Variants in UHRF2 observed in about 807,000 individuals in gnomAD.
The protein encoded by UHRF2 is E3 ubiquitin-protein ligase UHRF2.
UHRF2 carries 23 observed loss-of-function variants against 96.8 expected under a neutral mutation model. The observed-to-expected ratio is 0.24, with a 90% CI of 0.17 to 0.34. The LOEUF (loss-of-function observed/expected upper bound fraction) is 0.34, where lower values mean the gene tolerates loss of function less well. Among genes scored for constraint, UHRF2 ranks in the 10% least tolerant of loss-of-function variants. The pLI is 1.00. For missense variants in UHRF2, 685 were observed against 981.5 expected (o/e 0.70, Z 4.04); for synonymous variants, 385 against 332.6 (o/e 1.16, Z -1.72).
chr9:6,455,663 C>T (rs1436269012), intron 3 of UHRF2, among the ~76,000 whole-genome samples: 2 of 152,098 alleles, frequency 1.3e-5, no homozygotes, highest in East Asian at 1.9e-4. Context: ...TTTCTTTGGT[C>T]TGATGATATC....
intron 9 of UHRF2, 42 bp from the exon 10 acceptor site, chr9:6,493,783 AC>A: frequency 6.7e-7 from 1 of 1,500,226 alleles, no homozygotes; most frequent in East Asian, 2.3e-5. Flanking sequence ...ATGAAATTAT[AC>A]TTGGGTTTAG....
chr9:6,448,885 T>G (rs939715416), intron 3 of UHRF2, among the ~76,000 whole-genome samples: 1 of 152,232 alleles, frequency 6.6e-6, no homozygotes, highest in Non-Finnish European at 1.5e-5. Flanking sequence ...CCTTTTGTGT[T>G]TAGCCAGTGT....
chr9:6,459,396 C>T (rs763910879), intron 3 of UHRF2, among the ~76,000 whole-genome samples: 5 of 152,156 alleles, frequency 3.3e-5, no homozygotes, highest in Admixed American at 2.0e-4. Context: ...GGGCCGGGTG[C>T]GGTGGCTCAT....
At chr9:6,417,603 C>T (rs1819681123) in intron 1 of UHRF2, among the ~76,000 whole-genome samples, 1 of 152,016 alleles carries the variant, frequency 6.6e-6, no homozygotes, top group Non-Finnish European at 1.5e-5. Context: ...CTTGTTATTG[C>T]GGTAGATAAA....
At chr9:6,475,543 A>T (rs115553181) in intron 5 of UHRF2, 43 bp downstream of exon 5, 12 of 1,182,820 alleles carry the variant, frequency 1.0e-5, no homozygotes, top group Non-Finnish European at 1.4e-5. Context: ...TGTGTTGTAC[A>T]TGATTGAACT....
chr9:6,479,593 T>C (rs916665449), intron 6 of UHRF2, among the ~76,000 whole-genome samples: 4 of 152,210 alleles, frequency 2.6e-5, no homozygotes, highest in Non-Finnish European at 4.4e-5. Flanking sequence ...ATTTATGTCT[T>C]CATATCTAAT....
At chr9:6,468,191 A>C (rs549881948) in intron 4 of UHRF2, among the ~76,000 whole-genome samples, 3 of 152,330 alleles carry the variant, frequency 2.0e-5, no homozygotes, top group Admixed American at 2.0e-4. Flanking sequence ...GATTATATGC[A>C]TGTTTTTATT....
chr9:6,486,808 A>G lies in UHRF2; in HGVS notation c.1393-13A>G. ...TCAGAGGTATTTTGAGACTCTCTTT[A>G]ATTGTTTTATAGGTGAGCGAAGCAG... On this transcript the variant is annotated splice_polypyrimidine_tract_variant and intron_variant, in intron 8 of 15. Transcript: ENST00000276893. 1.2e-6 allele frequency: 2 copies of G among 1,613,038 alleles called. No individual in the cohort carries two copies. Among genetic ancestry groups the G allele is most frequent in the South Asian group, 1.1e-5 (1 of 90,982 alleles).
intron 4 of UHRF2, among the ~76,000 whole-genome samples, chr9:6,461,400 C>A (rs1294369578): frequency 7.5e-6 from 1 of 133,862 alleles, no homozygotes; most frequent in African/African-American, 2.7e-5. Flanking sequence ...CCCCCCCGCC[C>A]CTTGTTCTGT....
intron 1 of UHRF2, among the ~76,000 whole-genome samples, chr9:6,416,006 A>T (rs1177386605): frequency 1.3e-5 from 2 of 152,216 alleles, no homozygotes; most frequent in East Asian, 3.8e-4. Context: ...CAAGATCTCC[A>T]GGTGATCTGT....
chr9:6,446,206 A>G (rs1382252648), intron 3 of UHRF2, among the ~76,000 whole-genome samples: 2 of 151,280 alleles, frequency 1.3e-5, no homozygotes, highest in African/African-American at 4.9e-5. Context: ...GCTGAAGTGC[A>G]GTGGCTCAAT....
chr9:6,434,463 G>A (rs1820719461), intron 3 of UHRF2: 2 of 243,292 alleles, frequency 8.2e-6, no homozygotes, highest in African/African-American at 2.3e-5. Flanking sequence ...TTTTGAGATG[G>A]TCTCTCTCTG....
Position 6,475,517 on chromosome 9 carries a change from T to A in UHRF2, c.973+17T>A. The A allele has an allele frequency of 6.5e-7, 1 of 1,535,318 alleles. No individual in the cohort carries two copies. The highest frequency in any genetic ancestry group is 1.8e-5 in the Admixed American group (1 of 54,876). On this transcript the variant is annotated intron_variant, in intron 5 of 15. Transcript: ENST00000276893. Reference sequence around the variant, plus strand: ...AGTTTTTAAGTATGGATTTTTGTTTTTGGTCTTAGACTACATGTGTTGTAC... The same window carrying A: ...AGTTTTTAAGTATGGATTTTTGTTTATGGTCTTAGACTACATGTGTTGTAC...
intron 1 of UHRF2, 81 bp downstream of exon 1, chr9:6,413,724 C>G (rs1485141079): frequency 3.0e-6 from 4 of 1,340,308 alleles, no homozygotes; most frequent in Non-Finnish European, 9.6e-7. Context: ...TCCGAGGGCT[C>G]TGTGCGCCGC....
chr9:6,493,526 A>G (rs1310447687), intron 9 of UHRF2, among the ~76,000 whole-genome samples: 4 of 152,216 alleles, frequency 2.6e-5, no homozygotes, highest in Non-Finnish European at 5.9e-5. Context: ...ATTTAAATCC[A>G]TAAGACCTTA....
At chr9:6,441,076 C>T (rs919181345) in intron 3 of UHRF2, among the ~76,000 whole-genome samples, 9 of 152,146 alleles carry the variant, frequency 5.9e-5, no homozygotes, top group Non-Finnish European at 1.0e-4. Context: ...ATCAGCACCA[C>T]GTGTTAGAAA....
At chr9:6,457,337 T>G (rs1587822099) in intron 3 of UHRF2, among the ~76,000 whole-genome samples, 1 of 152,224 alleles carries the variant, frequency 6.6e-6, no homozygotes, top group African/African-American at 2.4e-5. Context: ...AGAATGCTTG[T>G]GATTTTTGCA....
chr9:6,484,898 A>G (rs547621316), intron 8 of UHRF2, among the ~76,000 whole-genome samples: 5 of 148,602 alleles, frequency 3.4e-5, no homozygotes, highest in South Asian at 2.1e-4. Context: ...GTTTCAAGCA[A>G]TTCTCCTGCC....
chr9:6,479,542 G>A (rs573885470), intron 6 of UHRF2, among the ~76,000 whole-genome samples: 2 of 152,062 alleles, frequency 1.3e-5, no homozygotes, highest in South Asian at 2.1e-4. Flanking sequence ...AGATGATCTC[G>A]TCCAATTATG....
Sources: gnomAD v4.1 joint callset for allele counts (sites outside exome capture counted in the v4.1 genomes callset) on GRCh38, gnomAD v4.1.1 for gene constraint, MANE v1.5 for transcripts, NCBI Gene and HGNC (gene_info 2026-07-23, HGNC 2026-07-21) for gene names.